Variants in KIR3DL1 observed in about 807,000 individuals in gnomAD.
KIR3DL1 encodes the protein killer cell immunoglobulin-like receptor 3DL1.
KIR3DL1 carries 50 observed loss-of-function variants against 40.3 expected under a neutral mutation model. The observed-to-expected ratio is 1.24, with a 90% confidence interval of 0.99 to 1.57. The LOEUF (loss-of-function observed/expected upper bound fraction) is 1.57. Among genes scored for constraint, KIR3DL1 ranks in the 40% most tolerant of loss-of-function variants. The pLI is 0.00. For synonymous variants in KIR3DL1, 257 were observed against 207.2 expected, an observed-to-expected ratio of 1.24 and a Z score of -2.07; for missense variants, 661 against 559.9, an observed-to-expected ratio of 1.18 and a Z score of -1.82.
intron 5 of KIR3DL1, among the ~76,000 whole-genome samples, chr19:54,822,892 G>A (rs2061707670): frequency 2.1e-5 from 3 of 144,868 alleles, no homozygotes; most frequent in South Asian, 4.4e-4. Flanking sequence ...CTGATGGGCA[G>A]GTAGGTTGAC....
At chr19:54,819,165 G>A (rs1388009474) in intron 3 of KIR3DL1, among the ~76,000 whole-genome samples, 1 of 151,014 alleles carries the variant, frequency 6.6e-6, no homozygotes, top group Admixed American at 6.6e-5. Flanking sequence ...CTCCAGAAGT[G>A]GAAGGGGTCA....
intron 4 of KIR3DL1, 108 bp downstream of exon 4, chr19:54,820,120 G>T (rs2061562852): frequency 3.4e-6 from 4 of 1,177,762 alleles, no homozygotes; most frequent in South Asian, 2.7e-5. Flanking sequence ...GGATTCTTAT[G>T]GAAAGAGAGT....
At chr19:54,819,560 C>G (rs1329344556) in intron 3 of KIR3DL1, among the ~76,000 whole-genome samples, 153 bp from the exon 4 acceptor site, 1 of 151,228 alleles carries the variant, frequency 6.6e-6, no homozygotes, top group Non-Finnish European at 1.5e-5. Context: ...GATGGAGGCA[C>G]CTGCACCAGG....
chr19:54,821,357 T>C (rs1223039501), intron 4 of KIR3DL1, among the ~76,000 whole-genome samples: 1 of 150,592 alleles, frequency 6.6e-6, no homozygotes, highest in African/African-American at 2.5e-5. Context: ...AGGGAAAACA[T>C]ACCTCAGGGT....
intron 5 of KIR3DL1, among the ~76,000 whole-genome samples, chr19:54,822,770 G>C (rs957872790): frequency 1.4e-5 from 2 of 147,942 alleles, no homozygotes; most frequent in Non-Finnish European, 3.0e-5. Context: ...GGGAATCTTT[G>C]TAATGACCTC....
At chr19:54,824,537 C>T (rs1228279190) in intron 5 of KIR3DL1, among the ~76,000 whole-genome samples, 1 of 151,268 alleles carries the variant, frequency 6.6e-6, no homozygotes, top group Non-Finnish European at 1.5e-5. Flanking sequence ...ATTAGCTGAG[C>T]ATGGTGACCA....
At position 54,829,165 on chromosome 19, in the gene KIR3DL1, T is replaced by C. The variant is rs1181144915; in HGVS notation, c.1001-196T>C. 2.8e-5 allele frequency among the ~76,000 whole-genome samples: 4 copies of C among 145,062 alleles called. 1 individual carries two copies. Among genetic ancestry groups the C allele is most frequent in the East Asian group, 2.0e-4 (1 of 4,920 alleles). ...GGGTCAAACATCTCAACTAAAGTAG[T>C]TGTATCCTCAGCACGTTCCATGGTT... On this transcript the variant is annotated intron_variant, in intron 6 of 8. Transcript: ENST00000391728.
At chr19:54,826,371 G>A (rs1362369068) in intron 6 of KIR3DL1, among the ~76,000 whole-genome samples, 3 of 149,960 alleles carry the variant, frequency 2.0e-5, no homozygotes, top group Admixed American at 6.6e-5. Flanking sequence ...CTACAGTGCA[G>A]TGTCACGATC....
exon 5 of KIR3DL1, chr19:54,821,751 C>A (rs1010354695): frequency 1.4e-5 from 22 of 1,608,144 alleles, no homozygotes; most frequent in Non-Finnish European, 1.9e-5. Flanking sequence ...GCAGATTTCC[C>A]TCTGGGCCCT....
intron 6 of KIR3DL1, 54 bp downstream of exon 6, chr19:54,825,132 C>A: frequency 6.7e-6 from 8 of 1,193,708 alleles, no homozygotes; most frequent in South Asian, 2.4e-5. Context: ...GAGGTGGAAG[C>A]CTTGGATGCA....
intron 6 of KIR3DL1, among the ~76,000 whole-genome samples, chr19:54,828,474 C>G (rs2062024702): frequency 1.3e-5 from 2 of 150,782 alleles, no homozygotes; most frequent in Admixed American, 1.3e-4. Flanking sequence ...AGATAAGCAG[C>G]GAGTGACAAC....
At chr19:54,827,327 C>T (rs2148180607) in intron 6 of KIR3DL1, among the ~76,000 whole-genome samples, 1 of 151,228 alleles carries the variant, frequency 6.6e-6, no homozygotes, top group South Asian at 2.1e-4. Flanking sequence ...AACGGTGGCT[C>T]ACTCCTGTAA....
chr19:54,818,269 C>A, intron 2 of KIR3DL1, 46 bp from the exon 3 acceptor site: 1 of 1,557,968 alleles, frequency 6.4e-7, no homozygotes. Flanking sequence ...GAGTGAGGGG[C>A]GGCTCCACAT....
chr19:54,828,437 C>CCT (rs1418206319), intron 6 of KIR3DL1, among the ~76,000 whole-genome samples: 1 of 151,080 alleles, frequency 6.6e-6, no homozygotes, highest in Non-Finnish European at 1.5e-5. Context: ...ACAGAGAATA[C>CCT]GTTACATAGG....
intron 3 of KIR3DL1, among the ~76,000 whole-genome samples, chr19:54,818,941 G>T (rs2061495037): frequency 6.6e-6 from 1 of 150,598 alleles, no homozygotes; most frequent in African/African-American, 2.5e-5. Flanking sequence ...AGAGGTGGAG[G>T]AAGAGGGGAG....
chr19:54,827,130 A>G (rs1165418929), intron 6 of KIR3DL1, among the ~76,000 whole-genome samples: 1 of 151,508 alleles, frequency 6.6e-6, no homozygotes, highest in Non-Finnish European at 1.5e-5. Flanking sequence ...TATGTTTGGG[A>G]GGTAGAATCA....
chr19:54,830,395 G>A (rs1392661573), exon 9 of KIR3DL1: 6 of 1,183,528 alleles, frequency 5.1e-6, no homozygotes, highest in Admixed American at 2.0e-5. Context: ...TCATCTTAGG[G>A]CATCGCTCCT....
exon 4 of KIR3DL1, chr19:54,819,744 C>T (rs775474594): frequency 1.2e-6 from 2 of 1,609,930 alleles, no homozygotes; most frequent in Non-Finnish European, 8.5e-7. Context: ...TCCTGGCCCA[C>T]CCAGGTCCCC....
intron 6 of KIR3DL1, among the ~76,000 whole-genome samples, chr19:54,828,101 C>G (rs35080576): frequency 0.18 from 27,700 of 150,020 alleles, 3,049 homozygotes; most frequent in South Asian, 0.32. Context: ...CCCCCAGCCT[C>G]TGAGGTAGAA....
Sources: gnomAD v4.1 joint callset for allele counts (sites outside exome capture counted in the v4.1 genomes callset) on GRCh38, gnomAD v4.1.1 for gene constraint, MANE v1.5 for transcripts, NCBI Gene and HGNC (gene_info 2026-07-23, HGNC 2026-07-21) for gene names.